TAS2R1: variants seen among roughly 807,000 people sequenced by gnomAD.
TAS2R1 encodes taste receptor type 2 member 1.
For missense variants in TAS2R1, 370 were observed against 353.4 expected (o/e 1.05, Z -0.38); for synonymous variants, 141 against 134.2 (o/e 1.05, Z -0.35).
chr5:9,730,414 T>C, the TAS2R1 span, among the ~76,000 whole-genome samples: 4 of 152,172 alleles, frequency 2.6e-5, no homozygotes, highest in Non-Finnish European at 5.9e-5. Context: ...TGGAAATAGA[T>C]AGAAGGCTTG....
upstream of TAS2R1, among the ~76,000 whole-genome samples, chr5:9,633,304 A>ATATATATATATATATATAATTTGTG (rs1378909219): frequency 1.6e-4 from 15 of 95,522 alleles, no homozygotes; most frequent in East Asian, 5.0e-3. Flanking sequence ...TTATATATAT[A>ATATATATATATATATATAATTTGTG]TATATATATA....
chr5:9,766,379 T>A, the TAS2R1 span, among the ~76,000 whole-genome samples: 1 of 152,234 alleles, frequency 6.6e-6, no homozygotes, highest in Non-Finnish European at 1.5e-5. Context: ...TGGCTAAGGA[T>A]TGAGACTAAA....
At chr5:9,873,208 T>C in the TAS2R1 span, among the ~76,000 whole-genome samples, 1 of 152,132 alleles carries the variant, frequency 6.6e-6, no homozygotes, top group Admixed American at 6.5e-5. Flanking sequence ...AGGCTGGCGC[T>C]GTCCACTGAC....
At chr5:9,724,298 A>T in the TAS2R1 span, among the ~76,000 whole-genome samples, 2 of 150,028 alleles carry the variant, frequency 1.3e-5, no homozygotes, top group Non-Finnish European at 3.0e-5. Flanking sequence ...CAGACCCTTT[A>T]ATCTTTATTT....
At chr5:9,877,112 A>G in the TAS2R1 span, among the ~76,000 whole-genome samples, 1 of 152,206 alleles carries the variant, frequency 6.6e-6, no homozygotes, top group South Asian at 2.1e-4. Flanking sequence ...GTGTATGATT[A>G]CTCAGGTGTT....
At chr5:9,674,270 T>C (rs547500901) in intron 1 of TAS2R1, among the ~76,000 whole-genome samples, 13 of 152,206 alleles carry the variant, frequency 8.5e-5, no homozygotes, top group Admixed American at 6.5e-4. Flanking sequence ...ATGATGATAG[T>C]ATATTATGAA....
In TAS2R1 at chr5:9,629,432, G is replaced by C; in HGVS notation, c.601C>G (p.Leu201Val). Residue 201 changes from leucine (L) to valine (V), a missense_variant, in exon 1 of 1, where the codon CTG becomes GTG. Transcript: ENST00000382492. ...LFAVLLLIFSLGRHTRQMRNT... is the reference protein window; with the variant it reads ...LFAVLLLIFSVGRHTRQMRNT... The stretch of plus-strand genomic sequence containing the variant: ...CTCATTTGCCGGGTGTGCCTCCCCA[G>C]AGAGAAAATCAAGAGCAAAACAGCA... 2 of 1,614,148 alleles carry C rather than the reference G, an allele frequency of 1.2e-6. No individual in the cohort carries two copies. Among genetic ancestry groups the C allele is most frequent in the Non-Finnish European group, 1.7e-6 (2 of 1,180,028 alleles).
At chr5:9,825,452 T>C in the TAS2R1 span, among the ~76,000 whole-genome samples, 1 of 152,148 alleles carries the variant, frequency 6.6e-6, no homozygotes, top group East Asian at 1.9e-4. Flanking sequence ...TCCCACCAGG[T>C]CCCTTCCATG....
intron 1 of TAS2R1, among the ~76,000 whole-genome samples, chr5:9,676,213 G>A (rs966042727): frequency 3.3e-5 from 5 of 152,144 alleles, no homozygotes; most frequent in Non-Finnish European, 7.4e-5. Flanking sequence ...TTGGTCATGA[G>A]TATGATACTT....
At chr5:9,696,621 T>G (rs1409862560) in intron 1 of TAS2R1, among the ~76,000 whole-genome samples, 1 of 152,062 alleles carries the variant, frequency 6.6e-6, no homozygotes, top group Non-Finnish European at 1.5e-5. Flanking sequence ...ATATAAAAAA[T>G]TAAAGCATAT....
chr5:9,777,411 C>T, the TAS2R1 span, among the ~76,000 whole-genome samples: 1 of 152,250 alleles, frequency 6.6e-6, no homozygotes, highest in Non-Finnish European at 1.5e-5. Flanking sequence ...TAAGAAGCAG[C>T]TCCTCAACTG....
chr5:9,787,940 G>A, the TAS2R1 span, among the ~76,000 whole-genome samples: 1 of 152,218 alleles, frequency 6.6e-6, no homozygotes, highest in Non-Finnish European at 1.5e-5. Flanking sequence ...CAGCGTCTGA[G>A]GGGCAGATGC....
chr5:9,899,161 C>T, the TAS2R1 span, among the ~76,000 whole-genome samples: 1 of 152,124 alleles, frequency 6.6e-6, no homozygotes, highest in Non-Finnish European at 1.5e-5. Flanking sequence ...AGACAGACAA[C>T]AGTATGAGCT....
At chr5:9,633,939 T>C (rs114224162), upstream of TAS2R1, among the ~76,000 whole-genome samples, 3,199 of 152,282 alleles carry the variant, frequency 0.021, 122 homozygotes, top group African/African-American at 0.073. Context: ...AGAAACTTTT[T>C]AGTTTAATTA....
intron 1 of TAS2R1, among the ~76,000 whole-genome samples, chr5:9,700,763 C>A (rs1028870578): frequency 2.6e-5 from 4 of 152,080 alleles, no homozygotes; most frequent in Non-Finnish European, 4.4e-5. Flanking sequence ...TGTAGATGAC[C>A]GTCTTCTCTC....
chr5:9,870,568 C>T, the TAS2R1 span, among the ~76,000 whole-genome samples: 1 of 152,148 alleles, frequency 6.6e-6, no homozygotes. Context: ...AGGCTAGACA[C>T]TGGGGATACA....
chr5:9,667,895 A>G (rs1205349717), intron 1 of TAS2R1, among the ~76,000 whole-genome samples: 1 of 152,212 alleles, frequency 6.6e-6, no homozygotes, highest in East Asian at 1.9e-4. Context: ...AAACAACCGC[A>G]CTAGTTCCCC....
chr5:9,899,787 A>G, the TAS2R1 span, among the ~76,000 whole-genome samples: 12 of 152,340 alleles, frequency 7.9e-5, no homozygotes, highest in Admixed American at 2.6e-4. Flanking sequence ...GAAAAGACAC[A>G]TAATTGCCTT....
At chr5:9,644,700 G>A (rs1740154469) in intron 2 of TAS2R1, among the ~76,000 whole-genome samples, 1 of 152,104 alleles carries the variant, frequency 6.6e-6, no homozygotes, top group Non-Finnish European at 1.5e-5. Context: ...GATTATGTAG[G>A]GATGAGATTG....
Sources: allele counts gnomAD v4.1 joint callset (sites outside exome capture counted in the v4.1 genomes callset), GRCh38; gene constraint gnomAD v4.1.1; transcripts MANE v1.5; gene names NCBI Gene and HGNC (gene_info 2026-07-23, HGNC 2026-07-21).